Variants in SLC30A9 observed in about 807,000 individuals in gnomAD.
The protein encoded by SLC30A9 is proton-coupled zinc antiporter SLC30A9, mitochondrial.
In SLC30A9, 58 loss-of-function variants were observed where a neutral mutation model predicts 87.5. The ratio of observed to expected loss-of-function variants is 0.66; its 90% confidence interval spans 0.54 to 0.82. The LOEUF (loss-of-function observed/expected upper bound fraction) is 0.82, where lower values mean the gene tolerates loss of function less well. Ranked by LOEUF, SLC30A9 falls within the 40% of genes least tolerant of loss-of-function variation. The pLI, the probability that SLC30A9 is intolerant of heterozygous loss-of-function variation, is 0.00. For missense variants in SLC30A9, 557 were observed against 679.1 expected (o/e 0.82, Z 2.00); for synonymous variants, 234 against 233.0 (o/e 1.00, Z -0.04).
intron 9 of SLC30A9, among the ~76,000 whole-genome samples, chr4:42,056,913 A>G (rs1306226653): frequency 6.6e-6 from 1 of 152,160 alleles, no homozygotes; most frequent in African/African-American, 2.4e-5. Flanking sequence ...GGCCAAAACA[A>G]AGGGGCTACA....
At chr4:41,991,779 A>G (rs188152113) in intron 1 of SLC30A9, among the ~76,000 whole-genome samples, 1 of 152,256 alleles carries the variant, frequency 6.6e-6, no homozygotes, top group African/African-American at 2.4e-5. Context: ...AACCTGTAAC[A>G]TGTTCGTGAC....
chr4:42,063,222 C>A, intron 11 of SLC30A9, 101 bp downstream of exon 11: 4 of 1,038,720 alleles, frequency 3.9e-6, no homozygotes, highest in Non-Finnish European at 5.7e-6. Flanking sequence ...GAATGACATA[C>A]ACCTTCTTGA....
chr4:42,060,891 T>C (rs1194599388), intron 10 of SLC30A9, among the ~76,000 whole-genome samples: 3 of 152,068 alleles, frequency 2.0e-5, no homozygotes, highest in Non-Finnish European at 4.4e-5. Context: ...TGTAAAGGAG[T>C]CTACCTCTAT....
At chr4:42,037,811 CAG>C (rs1300740931) in intron 7 of SLC30A9, among the ~76,000 whole-genome samples, 2 of 152,030 alleles carry the variant, frequency 1.3e-5, no homozygotes, top group Admixed American at 1.3e-4. Context: ...ATTTTTGAGA[CAG>C]AGTATTGCTG....
At chr4:41,998,781 A>T (rs1456721038) in intron 1 of SLC30A9, among the ~76,000 whole-genome samples, 1 of 152,046 alleles carries the variant, frequency 6.6e-6, no homozygotes, top group African/African-American at 2.4e-5. Flanking sequence ...TAATTCTTTA[A>T]CCAGTGGTTG....
At chr4:42,005,418 C>T (rs1715161245) in intron 2 of SLC30A9, among the ~76,000 whole-genome samples, 1 of 152,070 alleles carries the variant, frequency 6.6e-6, no homozygotes, top group Non-Finnish European at 1.5e-5. Flanking sequence ...TTTTTTCTTC[C>T]CCACTATTTA....
rs1718977101 is a variant in SLC30A9, at chr4:42,087,809, C to T, written c.*1683C>T. 1 of 151,204 alleles carries T rather than the reference C, an allele frequency of 6.6e-6. No homozygotes were observed. The allele number at this position is 151,204 out of a possible 1,614,324, so 9.4% of individuals were successfully genotyped here. ...TCTATACTTTTTTCTTCTTCCTTCCCCTTTCCCACTTGCCATTTATTACTT... is the reference window on the plus strand; with the variant it reads ...TCTATACTTTTTTCTTCTTCCTTCCTCTTTCCCACTTGCCATTTATTACTT... On this transcript the variant is annotated 3_prime_UTR_variant, in exon 18 of 18. Coordinates refer to ENST00000264451, the MANE Select transcript of SLC30A9 (RefSeq NM_006345.4).
At position 42,065,322 on chromosome 4, in the gene SLC30A9, T is replaced by C; in HGVS notation, c.1045T>C (p.Leu349=). ...IESLLWAYCI[L]AGSLVSEGAT... ...ATTTCTTTTCTAGGCATATTGTATT[T>C]TAGCAGGATCATTAGTATCTGAAGG... Residue 349 remains leucine (L), a synonymous_variant, in exon 12 of 18, where the codon TTA becomes CTA. Transcript: ENST00000264451. 1 of 1,368,752 alleles carries C rather than the reference T, an allele frequency of 7.3e-7. No homozygotes were observed. Among genetic ancestry groups the C allele is most frequent in the Non-Finnish European group, 1.0e-6 (1 of 959,632 alleles). 84.8% of individuals were successfully genotyped at this position (1,368,752 alleles called of 1,614,324 possible).
At chr4:42,064,978 G>A (rs1420958943) in intron 11 of SLC30A9, among the ~76,000 whole-genome samples, 1 of 152,020 alleles carries the variant, frequency 6.6e-6, no homozygotes, top group African/African-American at 2.4e-5. Flanking sequence ...TGCAGGGAAT[G>A]TGGTATTACC....
At position 42,087,710 on chromosome 4, in the gene SLC30A9, C is replaced by T. The variant is rs1217481919; in HGVS notation, c.*1584C>T. ...TGTTATATATATATATAATTTGATA[C>T]TCTATTCTTACAGTTTCAAATTCCT... On this transcript the variant is annotated 3_prime_UTR_variant, in exon 18 of 18. Coordinates refer to ENST00000264451, the MANE Select transcript of SLC30A9 (RefSeq NM_006345.4). The T allele has an allele frequency of 1.3e-5, 2 of 148,616 alleles. No individual in the cohort carries two copies. The highest frequency in any genetic ancestry group is 3.0e-5 in the Non-Finnish European group (2 of 67,486). The allele number at this position is 148,616 out of a possible 1,614,324, so 9.2% of individuals were successfully genotyped here.
chr4:42,066,750 T>C, intron 13 of SLC30A9, 129 bp downstream of exon 13: 1 of 586,664 alleles, frequency 1.7e-6, no homozygotes, highest in Non-Finnish European at 2.9e-6. Flanking sequence ...GTGTGGCTCT[T>C]ACATATCCTT....
chr4:42,029,104 C>T (rs1716310242), intron 6 of SLC30A9: 6 of 286,476 alleles, frequency 2.1e-5, no homozygotes, highest in Admixed American at 1.4e-4. Context: ...GTCCTGTCTG[C>T]GGAGAGCCAG....
intron 15 of SLC30A9, among the ~76,000 whole-genome samples, chr4:42,071,213 A>G (rs1176872951): frequency 6.6e-6 from 1 of 152,112 alleles, no homozygotes; most frequent in East Asian, 1.9e-4. Context: ...TAATCAGCAG[A>G]AGAGATACAG....
intron 2 of SLC30A9, among the ~76,000 whole-genome samples, chr4:42,002,700 A>G (rs1278353345): frequency 6.6e-6 from 1 of 152,098 alleles, no homozygotes; most frequent in Non-Finnish European, 1.5e-5. Context: ...GGTTGATTCT[A>G]AGTCTTTGCT....
chr4:42,043,842 G>A (rs1233603832), intron 8 of SLC30A9, among the ~76,000 whole-genome samples: 4 of 152,176 alleles, frequency 2.6e-5, no homozygotes, highest in Non-Finnish European at 5.9e-5. Flanking sequence ...ACCCACAAAG[G>A]GAAGCCCACC....
intron 6 of SLC30A9, among the ~76,000 whole-genome samples, chr4:42,031,690 T>C (rs938460433): frequency 3.9e-5 from 6 of 152,252 alleles, no homozygotes; most frequent in Admixed American, 1.3e-4. Context: ...TGAAATATTT[T>C]ATCCTATCCC....
chr4:42,001,708 TC>T lies in SLC30A9; in HGVS notation c.204del (p.Thr69GlnfsTer27). 1 of 1,611,386 alleles carries T rather than the reference TC, an allele frequency of 6.2e-7. No homozygotes were observed. The highest frequency in any genetic ancestry group is 8.5e-7 in the Non-Finnish European group (1 of 1,178,066). On this transcript the variant is annotated frameshift_variant, in exon 2 of 18. Transcript: ENST00000264451. LOFTEE classifies it high-confidence loss of function. ...TACCCTGAGTCAAGTAAAGTTGTAC[TC>T]CACAAATGTTCAGAAAGAAGGACAG... ...IGTLSQVKLY[S>X]TNVQKEGQGS...
intron 17 of SLC30A9, among the ~76,000 whole-genome samples, chr4:42,083,646 TCA>T (rs1412605411): frequency 2.1e-4 from 30 of 143,146 alleles, no homozygotes; most frequent in African/African-American, 7.1e-4. Context: ...TTTATTTATA[TCA>T]TGCTTTTTAG....
chr4:42,050,148 A>T (rs1394577761), intron 9 of SLC30A9, among the ~76,000 whole-genome samples: 7 of 152,198 alleles, frequency 4.6e-5, no homozygotes, highest in Non-Finnish European at 8.8e-5. Context: ...CGTGAAGATA[A>T]GGAGCAAGGA....
Sources: allele counts gnomAD v4.1 joint callset (sites outside exome capture counted in the v4.1 genomes callset), GRCh38; gene constraint gnomAD v4.1.1; transcripts MANE v1.5; gene names NCBI Gene and HGNC (gene_info 2026-07-23, HGNC 2026-07-21).